Variants in NWD2 observed in about 807,000 individuals in gnomAD.
The protein encoded by NWD2 is NACHT and WD repeat domain containing 2.
NWD2 carries 37 observed loss-of-function variants against 132.7 expected under a neutral mutation model. The observed-to-expected ratio is 0.28, with a 90% CI of 0.21 to 0.37. NWD2 has a LOEUF of 0.37. Ranked by LOEUF, NWD2 falls within the 10% of genes least tolerant of loss-of-function variation. The probability of loss-of-function intolerance (pLI) is 1.00; values close to 1 mark genes in which losing one functional copy is unlikely to be tolerated. For missense variants in NWD2, 1,592 were observed against 2,122.4 expected, an observed-to-expected ratio of 0.75 and a Z score of 4.91; for synonymous variants, 705 against 803.0, an observed-to-expected ratio of 0.88 and a Z score of 2.06.
intron 3 of NWD2, among the ~76,000 whole-genome samples, chr4:37,393,578 C>T (rs111574369): frequency 2.2e-4 from 34 of 152,310 alleles, no homozygotes; most frequent in African/African-American, 5.5e-4. Flanking sequence ...GACTCCTTAA[C>T]GGGCCATTGC....
chr4:37,392,681 T>C (rs1400086645), intron 3 of NWD2, among the ~76,000 whole-genome samples: 2 of 152,230 alleles, frequency 1.3e-5, no homozygotes. Flanking sequence ...TGGACCTCAC[T>C]GAACTGTGTT....
chr4:37,408,438 C>A (rs1721087864), intron 3 of NWD2, among the ~76,000 whole-genome samples: 1 of 152,302 alleles, frequency 6.6e-6, no homozygotes, highest in Admixed American at 6.5e-5. Context: ...TGGGTGGAGC[C>A]CACTGCAGCT....
chr4:37,357,718 ATAAG>A (rs1719898573), intron 3 of NWD2, among the ~76,000 whole-genome samples: 1 of 152,148 alleles, frequency 6.6e-6, no homozygotes, highest in Non-Finnish European at 1.5e-5. Context: ...CAAAACCCAA[ATAAG>A]TAAGATAAAC....
At chr4:37,330,351 A>G (rs1719266368) in intron 2 of NWD2, among the ~76,000 whole-genome samples, 2 of 152,182 alleles carry the variant, frequency 1.3e-5, no homozygotes, top group African/African-American at 2.4e-5. Context: ...TTTAAATAAT[A>G]TGTTATTTGA....
At chr4:37,251,984 C>G (rs925767246) in intron 1 of NWD2, among the ~76,000 whole-genome samples, 1 of 152,152 alleles carries the variant, frequency 6.6e-6, no homozygotes, top group African/African-American at 2.4e-5. Flanking sequence ...GTGACGAGCA[C>G]TGTGCTAATG....
At chr4:37,251,331 C>A (rs562764215) in intron 1 of NWD2, among the ~76,000 whole-genome samples, 1 of 152,232 alleles carries the variant, frequency 6.6e-6, no homozygotes, top group East Asian at 1.9e-4. Flanking sequence ...CTTATGGGAC[C>A]ACTGTTATAT....
At chr4:37,344,007 G>A (rs1160786898) in intron 2 of NWD2, among the ~76,000 whole-genome samples, 1 of 151,850 alleles carries the variant, frequency 6.6e-6, no homozygotes, top group Non-Finnish European at 1.5e-5. Flanking sequence ...AAGTAAAAAA[G>A]GTAATATCAA....
rs561739775 is a variant in NWD2, at chr4:37,258,718, G to T, written c.151+13500G>T. ...CTGGTTTCCTGAATGTAGCCAGTGT[G>T]CTTATCTGAAGAAGAGGAAATATGG... is the stretch of plus-strand genomic sequence containing the variant. On this transcript the variant is annotated intron_variant, in intron 1 of 6. Transcript: ENST00000309447. Among the ~76,000 whole-genome samples the T allele has an allele frequency of 7.6e-4, 115 of 152,306 alleles. 1 individual carries two copies. Among genetic ancestry groups the T allele is most frequent in the Non-Finnish European group, 1.5e-3 (102 of 68,026 alleles).
intron 2 of NWD2, among the ~76,000 whole-genome samples, chr4:37,331,590 C>A (rs1278126698): frequency 6.6e-6 from 1 of 152,040 alleles, no homozygotes; most frequent in African/African-American, 2.4e-5. Flanking sequence ...CAGAATCATC[C>A]TGTGTAAATG....
intron 1 of NWD2, among the ~76,000 whole-genome samples, chr4:37,253,934 C>T (rs1717451173): frequency 6.6e-6 from 1 of 151,994 alleles, no homozygotes; most frequent in African/African-American, 2.4e-5. Context: ...CCATCCTTAG[C>T]AAACTAACAC....
At chr4:37,350,401 C>A (rs992802333) in intron 2 of NWD2, among the ~76,000 whole-genome samples, 1 of 152,124 alleles carries the variant, frequency 6.6e-6, no homozygotes, top group Non-Finnish European at 1.5e-5. Context: ...TCTTTCACAT[C>A]CCTTGTAAGT....
intron 3 of NWD2, among the ~76,000 whole-genome samples, chr4:37,371,303 T>G (rs1395297584): frequency 6.6e-6 from 1 of 152,048 alleles, no homozygotes; most frequent in South Asian, 2.1e-4. Context: ...CTCGAACTCC[T>G]GACCTCAGGT....
intron 3 of NWD2, among the ~76,000 whole-genome samples, chr4:37,426,925 T>C (rs907638555): frequency 1.3e-5 from 2 of 152,164 alleles, no homozygotes; most frequent in Non-Finnish European, 2.9e-5. Flanking sequence ...GAACAGTACA[T>C]TGCTGTGCAG....
At chr4:37,357,259 A>G (rs1019239438) in intron 3 of NWD2, among the ~76,000 whole-genome samples, 2 of 152,166 alleles carry the variant, frequency 1.3e-5, no homozygotes, top group East Asian at 3.9e-4. Flanking sequence ...GAGTGTTAAA[A>G]TTACCAGTGA....
At chr4:37,263,070 T>C (rs550771917) in intron 1 of NWD2, among the ~76,000 whole-genome samples, 79 of 152,246 alleles carry the variant, frequency 5.2e-4, no homozygotes, top group African/African-American at 1.8e-3. Context: ...GAGTCCTAGG[T>C]GAATGTCACC....
intron 1 of NWD2, among the ~76,000 whole-genome samples, chr4:37,309,755 T>C (rs1718792786): frequency 6.6e-6 from 1 of 152,192 alleles, no homozygotes; most frequent in Non-Finnish European, 1.5e-5. Flanking sequence ...GAGTGCCTCT[T>C]GGCTTTGAGT....
chr4:37,330,644 A>G (rs1238967057), intron 2 of NWD2, among the ~76,000 whole-genome samples: 1 of 152,202 alleles, frequency 6.6e-6, no homozygotes, highest in Admixed American at 6.5e-5. Flanking sequence ...GCTTACCCCT[A>G]GTAGATTGCA....
At chr4:37,301,198 T>C (rs546236467) in intron 1 of NWD2, among the ~76,000 whole-genome samples, 1 of 152,250 alleles carries the variant, frequency 6.6e-6, no homozygotes, top group African/African-American at 2.4e-5. Flanking sequence ...AATATAATTG[T>C]CATGTTGTAG....
chr4:37,354,956 A>G (rs1330065811), intron 2 of NWD2, among the ~76,000 whole-genome samples: 3 of 152,032 alleles, frequency 2.0e-5, no homozygotes, highest in Admixed American at 6.6e-5. Flanking sequence ...TTATAGCCCT[A>G]TTTATTCATT....
Sources: gnomAD v4.1 joint callset for allele counts (sites outside exome capture counted in the v4.1 genomes callset) on GRCh38, gnomAD v4.1.1 for gene constraint, MANE v1.5 for transcripts, NCBI Gene and HGNC (gene_info 2026-07-23, HGNC 2026-07-21) for gene names.